OSCP1: variants seen among roughly 807,000 people sequenced by gnomAD.
The protein encoded by OSCP1 is protein OSCP1.
OSCP1 carries 35 observed loss-of-function variants against 45.1 expected under a neutral mutation model. That is an observed-to-expected ratio of 0.78 (90% CI 0.59 to 1.03). The LOEUF (loss-of-function observed/expected upper bound fraction) is 1.03, where lower values mean the gene tolerates loss of function less well. OSCP1 is among the 50% of genes least tolerant of loss of function. OSCP1 has a pLI of 0.00. For missense variants in OSCP1, 400 were observed against 470.7 expected (o/e 0.85, Z 1.39); for synonymous variants, 179 against 180.1 (o/e 0.99, Z 0.05).
Position 36,418,253 on chromosome 1 carries a change from G to T in OSCP1, c.1026C>A (p.Asp342Glu). The change falls in exon 10 of 10, where the codon GAC becomes GAA. Residue 342 changes from aspartate to glutamate, a missense_variant and splice_region_variant. Physicochemically the swap from Asp to Glu is conservative, Grantham distance 45. Coordinates refer to ENST00000235532, the MANE Select transcript of OSCP1 (RefSeq NM_145047.5). ...GAGCCAGCTCCTCGCTCCGTTGCTGGTCCTATGAGGGAAATGAGAGGTAAA... is the reference window on the plus strand; with the variant it reads ...GAGCCAGCTCCTCGCTCCGTTGCTGTTCCTATGAGGGAAATGAGAGGTAAA... ...YEVINIQATQ[D>E]QQRSEELARI... 4 of 1,614,126 alleles carry T rather than the reference G, an allele frequency of 2.5e-6. No individual in the cohort carries two copies. Among genetic ancestry groups the T allele is most frequent in the Non-Finnish European group, 3.4e-6 (4 of 1,180,002 alleles).
Position 36,422,232 on chromosome 1 carries a change from C to G in OSCP1, c.750-13G>C, listed in dbSNP as rs1249973581. 4 of 1,612,810 alleles carry G rather than the reference C, an allele frequency of 2.5e-6. No individual in the cohort carries two copies. In the South Asian group the frequency reaches 4.4e-5, roughly 18 times the overall value. On this transcript the variant is annotated splice_polypyrimidine_tract_variant and intron_variant, in intron 6 of 9. Transcript: ENST00000235532. ...ATTCACGCTGTACCTGGTGTGTCAA[C>G]AGAAAATGGTGACATTATCCAGCCC...
chr1:36,439,727 A>G lies in OSCP1; in HGVS notation c.113-817T>C, dbSNP rs149158928. 3.0e-4 allele frequency among the ~76,000 whole-genome samples: 45 copies of G among 152,328 alleles called. No individual in the cohort carries two copies. In the East Asian group the frequency reaches 7.5e-3, roughly 25 times the overall value. ...GAATAGCACCATTTTTGAATGCCTT[A>G]ATTTCCACATTTGATCTATAATCTT... On this transcript the variant is annotated intron_variant, in intron 1 of 9. Transcript: ENST00000235532.
At chr1:36,432,635 C>G in intron 2 of OSCP1, 46 bp from the exon 3 acceptor site, 1 of 1,610,302 alleles carries the variant, frequency 6.2e-7, no homozygotes, top group South Asian at 1.1e-5. Context: ...ATATCAAAAT[C>G]AGGTGTGAGA....
intron 2 of OSCP1, among the ~76,000 whole-genome samples, chr1:36,435,091 C>CTTTT (rs201268337): frequency 8.0e-5 from 10 of 125,744 alleles, no homozygotes; most frequent in Non-Finnish European, 1.3e-4. Context: ...TTTTCTTTTT[C>CTTTT]TTTTTTTTTT....
chr1:36,438,650 CTTGCAAGGACCA>C lies in OSCP1; in HGVS notation c.267+94_267+105del, dbSNP rs1239713597. 8 of 1,350,434 alleles carry C rather than the reference CTTGCAAGGACCA, an allele frequency of 5.9e-6. No individual in the cohort carries two copies. In the African/African-American group the frequency reaches 1.2e-4, roughly 20 times the overall value. 83.7% of individuals were successfully genotyped at this position (1,350,434 alleles called of 1,614,324 possible). A position where few individuals can be genotyped will look rare whatever the true frequency, so the allele number is the denominator to read the frequency against. The stretch of plus-strand genomic sequence containing the variant: ...TACTAGTATTTACACATGCCTGTTT[CTTGCAAGGACCA>C]TTGCATACATCATCTCATGTGACCC... On this transcript the variant is annotated intron_variant, in intron 2 of 9. Transcript: ENST00000235532.
intron 2 of OSCP1, among the ~76,000 whole-genome samples, chr1:36,435,955 T>C (rs929917036): frequency 7.3e-5 from 11 of 151,360 alleles, no homozygotes; most frequent in African/African-American, 2.4e-4. Context: ...TTTCCAAAGG[T>C]AAGTGGCAAG....
intron 1 of OSCP1, among the ~76,000 whole-genome samples, chr1:36,442,532 C>A (rs1649265318): frequency 6.6e-6 from 1 of 152,038 alleles, no homozygotes; most frequent in Admixed American, 6.6e-5. Flanking sequence ...TAAAGTGTAC[C>A]AAGTACTTCA....
At chr1:36,437,999 A>G (rs1222541293) in intron 2 of OSCP1, among the ~76,000 whole-genome samples, 1 of 151,986 alleles carries the variant, frequency 6.6e-6, no homozygotes, top group Non-Finnish European at 1.5e-5. Context: ...ACAAAGTGAG[A>G]CCCCATTTCT....
At chr1:36,438,043 C>T (rs185982283) in intron 2 of OSCP1, among the ~76,000 whole-genome samples, 57 of 151,958 alleles carry the variant, frequency 3.8e-4, no homozygotes, top group Non-Finnish European at 6.0e-4. Flanking sequence ...TGTGGCCAGG[C>T]GCGGTGGCTC....
intron 1 of OSCP1, among the ~76,000 whole-genome samples, chr1:36,450,012 TG>T (rs1649798402): frequency 6.6e-6 from 1 of 150,786 alleles, no homozygotes; most frequent in South Asian, 2.1e-4. Context: ...TTTGAAGAGA[TG>T]GGGAAATTAG....
At chr1:36,439,043 G>C in intron 1 of OSCP1, 133 bp from the exon 2 acceptor site, 1 of 934,488 alleles carries the variant, frequency 1.1e-6, no homozygotes. Context: ...GGTGAGATCA[G>C]CTCCCTGAGG....
intron 1 of OSCP1, chr1:36,444,176 A>G: frequency 1.1e-6 from 1 of 879,628 alleles, no homozygotes; most frequent in Non-Finnish European, 1.8e-6. Flanking sequence ...ATGTGAGCAC[A>G]CTGCCTTCTA....
In OSCP1 at chr1:36,428,389, C is replaced by T. The variant is rs753575297; in HGVS notation, c.516+3413G>A. The T allele has an allele frequency of 8.7e-6, 14 of 1,613,966 alleles. No individual in the cohort carries two copies. In the South Asian group the frequency reaches 1.5e-4, roughly 18 times the overall value. ...CATAATGGAAAGTCAGTCTCCTTCT[C>T]CTGTCCTCCATATAGTTCCCCACTC... On this transcript the variant is annotated intron_variant, in intron 4 of 9. Transcript: ENST00000235532.
intron 1 of OSCP1, among the ~76,000 whole-genome samples, chr1:36,445,222 C>T (rs1471292058): frequency 4.6e-5 from 7 of 152,160 alleles, no homozygotes. Flanking sequence ...TGGTGGTGCA[C>T]ACCTATAGTC....
At position 36,419,973 on chromosome 1, in the gene OSCP1, G is replaced by A. The variant is rs57691030; in HGVS notation, c.959+503C>T. Among the ~76,000 whole-genome samples the A allele has an allele frequency of 0.02, 2,921 of 146,700 alleles. 284 individuals carry two copies. In the East Asian group the frequency reaches 0.3, roughly 15 times the overall value. ...GACTACAGGTGCGCACCATCACACC[G>A]TCTCTTTTTTTTTTTTTTTTGAGAC... is the stretch of plus-strand genomic sequence containing the variant. On this transcript the variant is annotated intron_variant, in intron 8 of 9. Coordinates refer to ENST00000235532, the MANE Select transcript of OSCP1 (RefSeq NM_145047.5).
intron 5 of OSCP1, among the ~76,000 whole-genome samples, 176 bp downstream of exon 5, chr1:36,423,187 C>G (rs865873926): frequency 1.8e-4 from 28 of 152,118 alleles, no homozygotes; most frequent in African/African-American, 6.0e-4. Flanking sequence ...CCTCAAGTCC[C>G]TCTACTAAGT....
chr1:36,422,342 G>T, intron 6 of OSCP1, 123 bp from the exon 7 acceptor site: 2 of 910,308 alleles, frequency 2.2e-6, no homozygotes, highest in Non-Finnish European at 1.8e-6. Flanking sequence ...AAGGTGCTGT[G>T]GGTACAGAAT....
rs1478014478 is a variant in OSCP1 at position 36,447,646 on chromosome 1, T to A, written c.112+2612A>T. On this transcript the variant is annotated intron_variant, in intron 1 of 9. Transcript: ENST00000235532. The surrounding 1 kb of genome is among the most constrained non-coding windows in gnomAD (Gnocchi z 4.1). ...GGGCAAATTAGTCTTAGTTTCTCCA[T>A]CTGTAAAATGGGGATAGTAATATTA... is the stretch of plus-strand genomic sequence containing the variant. 2.0e-5 allele frequency among the ~76,000 whole-genome samples: 3 copies of A among 152,252 alleles called. No homozygotes were observed. The highest frequency in any genetic ancestry group is 7.2e-5 in the African/African-American group (3 of 41,466).
In OSCP1 at chr1:36,450,269, T is replaced by G. The variant is rs1202099444; in HGVS notation, c.101A>C (p.Lys34Thr). The G allele has an allele frequency of 6.2e-7, 1 of 1,612,762 alleles. No homozygotes were observed. Among genetic ancestry groups the G allele is most frequent in the East Asian group, 2.2e-5 (1 of 44,756 alleles). The change falls in exon 1 of 10, where the codon AAG becomes ACG. Residue 34 changes from lysine (K) to threonine (T), a missense_variant. Transcript: ENST00000235532. The part of the protein sequence containing the change: ...RLRAQNIPGD[K>T]ARKVLNDIIS... Reference sequence around the variant, plus strand: ...CGGGGGCCTCTCACCTTTGCGGGCCTTGTCTCCCGGGATGTTCTGGGCCCG... The same window carrying G: ...CGGGGGCCTCTCACCTTTGCGGGCCGTGTCTCCCGGGATGTTCTGGGCCCG...
Sources: gnomAD v4.1 joint callset for allele counts (sites outside exome capture counted in the v4.1 genomes callset) on GRCh38, gnomAD v4.1.1 for gene constraint, Gnocchi (gnomAD v3.1) non-coding constraint, MANE v1.5 for transcripts, NCBI Gene and HGNC (gene_info 2026-07-23, HGNC 2026-07-21) for gene names.